Variants in GRM7 observed in about 807,000 individuals in gnomAD.
GRM7 encodes glutamate metabotropic receptor 7, also known as metabotropic glutamate receptor 7.
In GRM7, 35 loss-of-function variants were observed where a neutral mutation model predicts 84.5. That is an observed-to-expected ratio of 0.41 (90% CI 0.32 to 0.55). The LOEUF is 0.55. GRM7 is among the 20% of genes least tolerant of loss of function. The pLI is 0.19. For missense variants in GRM7, 1,003 were observed against 1,194.6 expected (o/e 0.84, Z 2.36); for synonymous variants, 487 against 455.1 (o/e 1.07, Z -0.89).
At chr3:7,398,996 ATTCT>A (rs1268336514) in intron 4 of GRM7, among the ~76,000 whole-genome samples, 1 of 151,870 alleles carries the variant, frequency 6.6e-6, no homozygotes, top group East Asian at 1.9e-4. Context: ...TTCACACACC[ATTCT>A]TTCTTTATAT....
At chr3:6,895,489 C>T (rs1696144544) in intron 1 of GRM7, among the ~76,000 whole-genome samples, 1 of 152,126 alleles carries the variant, frequency 6.6e-6, no homozygotes, top group Non-Finnish European at 1.5e-5. Flanking sequence ...AACTTTACAA[C>T]TCAAATTCTC....
intron 5 of GRM7, among the ~76,000 whole-genome samples, chr3:7,433,279 C>CA (rs796565365): frequency 1.4e-4 from 22 of 152,328 alleles, no homozygotes; most frequent in African/African-American, 4.8e-4. Context: ...TGTGTTTGCA[C>CA]ATGAGTTATT....
At chr3:7,730,125 G>C (rs1026705751) in intron 9 of GRM7, among the ~76,000 whole-genome samples, 11 of 144,156 alleles carry the variant, frequency 7.6e-5, no homozygotes, top group South Asian at 4.6e-4. Context: ...TGCCCACCTT[G>C]GCCTCCCAAA....
At chr3:6,895,815 C>T (rs531079830) in intron 1 of GRM7, among the ~76,000 whole-genome samples, 1 of 152,220 alleles carries the variant, frequency 6.6e-6, no homozygotes, top group South Asian at 2.1e-4. Flanking sequence ...TTCATGATTA[C>T]AACAACTGAA....
intron 1 of GRM7, among the ~76,000 whole-genome samples, chr3:6,898,213 C>T (rs1696257619): frequency 6.6e-6 from 1 of 152,062 alleles, no homozygotes; most frequent in African/African-American, 2.4e-5. Flanking sequence ...ATGGCCATTA[C>T]AGAAACAGAG....
chr3:7,498,264 C>T (rs1398839417), intron 7 of GRM7, among the ~76,000 whole-genome samples: 4 of 152,094 alleles, frequency 2.6e-5, no homozygotes, highest in Non-Finnish European at 5.9e-5. Flanking sequence ...TATTGAATGA[C>T]CTCTCCCAAG....
chr3:7,648,019 A>T (rs191436906), intron 8 of GRM7, among the ~76,000 whole-genome samples: 4 of 152,184 alleles, frequency 2.6e-5, no homozygotes, highest in African/African-American at 7.2e-5. Context: ...TTTGAAGCTC[A>T]CTCGGCCTAA....
At chr3:7,012,650 A>G (rs528991301) in intron 1 of GRM7, among the ~76,000 whole-genome samples, 8 of 152,254 alleles carry the variant, frequency 5.3e-5, no homozygotes, top group Admixed American at 2.0e-4. Flanking sequence ...GTGCCTTCCC[A>G]TAGAAAAGGA....
At chr3:7,583,626 G>A (rs998544138) in intron 8 of GRM7, among the ~76,000 whole-genome samples, 7 of 152,124 alleles carry the variant, frequency 4.6e-5, no homozygotes, top group South Asian at 2.1e-4. Flanking sequence ...GATAGTTTTC[G>A]TAAAGATTAA....
intron 2 of GRM7, among the ~76,000 whole-genome samples, chr3:7,152,079 A>G (rs115319909): frequency 2.4e-4 from 37 of 152,334 alleles, no homozygotes; most frequent in Non-Finnish European, 5.0e-4. Flanking sequence ...CAAAATTCTT[A>G]TAATGTCATT....
At chr3:7,724,339 T>C (rs1702050244) in intron 9 of GRM7, among the ~76,000 whole-genome samples, 1 of 152,230 alleles carries the variant, frequency 6.6e-6, no homozygotes, top group African/African-American at 2.4e-5. Flanking sequence ...CTCTTTCATT[T>C]ATTCAGTAGA....
intron 8 of GRM7, among the ~76,000 whole-genome samples, chr3:7,592,786 A>G (rs1231486498): frequency 1.3e-5 from 2 of 152,204 alleles, no homozygotes; most frequent in Non-Finnish European, 2.9e-5. Context: ...CAGGAAATAT[A>G]TATATGGAAC....
At chr3:7,258,965 AGATGC>A (rs1325621360) in intron 2 of GRM7, among the ~76,000 whole-genome samples, 1 of 152,262 alleles carries the variant, frequency 6.6e-6, no homozygotes, top group Non-Finnish European at 1.5e-5. Context: ...GACTAACTTA[AGATGC>A]ATATGAAAAT....
chr3:7,077,363 C>T (rs993931198), intron 1 of GRM7, among the ~76,000 whole-genome samples: 3 of 152,192 alleles, frequency 2.0e-5, no homozygotes, highest in Middle Eastern at 3.4e-3. Context: ...GAAAATGTGG[C>T]ACATATATAC....
At chr3:7,692,361 C>T (rs1041211248) in intron 9 of GRM7, among the ~76,000 whole-genome samples, 3 of 152,152 alleles carry the variant, frequency 2.0e-5, no homozygotes, top group Admixed American at 6.5e-5. Context: ...CTGAGTGGAA[C>T]AGATTCCCTT....
intron 2 of GRM7, among the ~76,000 whole-genome samples, chr3:7,289,374 G>A (rs1699539534): frequency 6.6e-6 from 1 of 152,122 alleles, no homozygotes; most frequent in South Asian, 2.1e-4. Context: ...TAGGTCATTT[G>A]CAGAGGTCAT....
intron 3 of GRM7, among the ~76,000 whole-genome samples, chr3:7,304,969 A>G (rs12492754): frequency 0.47 from 71,954 of 151,942 alleles, 18,716 homozygotes; most frequent in Non-Finnish European, 0.6. Context: ...CGGGCAGTGC[A>G]TGACAACTGA....
intron 2 of GRM7, among the ~76,000 whole-genome samples, chr3:7,214,789 T>G (rs892778991): frequency 1.3e-5 from 2 of 152,148 alleles, no homozygotes; most frequent in African/African-American, 4.8e-5. Context: ...ATAAATAATC[T>G]TGGGTTTGTT....
intron 2 of GRM7, among the ~76,000 whole-genome samples, chr3:7,163,037 G>T (rs989737891): frequency 6.6e-6 from 1 of 151,946 alleles, no homozygotes; most frequent in Non-Finnish European, 1.5e-5. Context: ...TGGGATTACA[G>T]GTGTGAGCCA....
Sources: allele counts gnomAD v4.1 joint callset (sites outside exome capture counted in the v4.1 genomes callset), GRCh38; gene constraint gnomAD v4.1.1; transcripts MANE v1.5; gene names NCBI Gene and HGNC (gene_info 2026-07-23, HGNC 2026-07-21).